The following JCAD variants were observed in gnomAD, a reference collection of about 807,000 sequenced individuals.
The protein encoded by JCAD is junctional cadherin 5-associated protein.
In JCAD, 40 loss-of-function variants were observed where a neutral mutation model predicts 98.0. The observed-to-expected ratio is 0.41, with a 90% CI of 0.32 to 0.53. JCAD has a LOEUF of 0.53. Among genes scored for constraint, JCAD ranks in the 20% least tolerant of loss-of-function variants. The probability of loss-of-function intolerance (pLI) is 0.31; values close to 1 mark genes in which losing one functional copy is unlikely to be tolerated. For missense variants in JCAD, 1,705 were observed against 1,738.1 expected, an observed-to-expected ratio of 0.98 and a Z score of 0.34; for synonymous variants, 691 against 682.3, an observed-to-expected ratio of 1.01 and a Z score of -0.20.
At chr10:30,100,266 T>G (rs1436944638) in intron 1 of JCAD, among the ~76,000 whole-genome samples, 1 of 152,236 alleles carries the variant, frequency 6.6e-6, no homozygotes, top group Non-Finnish European at 1.5e-5. Flanking sequence ...GTTGATATTC[T>G]TGGTGGAAAT....
chr10:30,091,309 A>G (rs1206345400), intron 1 of JCAD, among the ~76,000 whole-genome samples: 3 of 152,234 alleles, frequency 2.0e-5, no homozygotes, highest in Middle Eastern at 6.3e-3. Flanking sequence ...GGTTATAACA[A>G]CACATGCAAA....
In JCAD at chr10:30,032,351, T is replaced by C. The variant is rs117268363; in HGVS notation, c.282-2485A>G. ...TATTTCAAAATCTCCCAAATGACTC[T>C]AGCATGCGGGGAGAGTTCAGAATCA... is the stretch of plus-strand genomic sequence containing the variant. On this transcript the variant is annotated intron_variant, in intron 2 of 3. Coordinates refer to ENST00000375377, the MANE Select transcript of JCAD (RefSeq NM_020848.4). 2.1e-3 allele frequency among the ~76,000 whole-genome samples: 323 copies of C among 152,294 alleles called. 1 individual carries two copies. Among genetic ancestry groups the C allele is most frequent in the Non-Finnish European group, 4.0e-3 (269 of 68,028 alleles).
upstream of JCAD, among the ~76,000 whole-genome samples, chr10:30,064,260 G>A (rs1209625358): frequency 6.6e-6 from 1 of 152,100 alleles, no homozygotes; most frequent in East Asian, 1.9e-4. Context: ...AGAGACATGA[G>A]CTAGCATGTG....
chr10:30,037,575 C>CA (rs1229210233), intron 2 of JCAD, among the ~76,000 whole-genome samples: 3 of 152,104 alleles, frequency 2.0e-5, no homozygotes, highest in African/African-American at 7.2e-5. Context: ...CTCTAGATGA[C>CA]AGGCAGTGCA....
chr10:30,073,891 C>G (rs936496158), intron 1 of JCAD, among the ~76,000 whole-genome samples: 1 of 152,126 alleles, frequency 6.6e-6, no homozygotes, highest in Non-Finnish European at 1.5e-5. Flanking sequence ...AGAGCTACTT[C>G]CATTCTGCCA....
At position 30,029,695 on chromosome 10, in the gene JCAD, C is replaced by T. The variant is rs2132619767; in HGVS notation, c.453G>A (p.Glu151=). ...ACCTTCCTCCAACTTCCCATGGACC[C>T]TCCCTCACGTGGACAGGCAGGCTGT... The part of the protein sequence containing the change: ...QAHSLPVHVR[E]GPWEVGGRSE... Residue 151 remains glutamate, a synonymous_variant, in exon 3 of 4, where the codon GAG becomes GAA. Transcript: ENST00000375377. The T allele has an allele frequency of 6.2e-7, 1 of 1,614,242 alleles. No homozygotes were observed. Among genetic ancestry groups the T allele is most frequent in the African/African-American group, 1.3e-5 (1 of 75,058 alleles).
At chr10:30,092,171 A>G (rs1336525763) in intron 1 of JCAD, among the ~76,000 whole-genome samples, 4 of 135,418 alleles carry the variant, frequency 3.0e-5, no homozygotes, top group Admixed American at 2.4e-4. Context: ...AAGTTTATCT[A>G]CTTTAGGTCT....
intron 2 of JCAD, among the ~76,000 whole-genome samples, chr10:30,036,855 C>T (rs1403506062): frequency 6.6e-6 from 1 of 152,266 alleles, no homozygotes; most frequent in African/African-American, 2.4e-5. Context: ...CTTCCTGGTT[C>T]CCAGATCTGC....
At chr10:30,054,794 G>A (rs1015378997) in intron 1 of JCAD, among the ~76,000 whole-genome samples, 1 of 151,104 alleles carries the variant, frequency 6.6e-6, no homozygotes, top group African/African-American at 2.4e-5. Flanking sequence ...CTCAGCCTCC[G>A]GAGTAGCTGG....
chr10:30,047,918 G>A, intron 1 of JCAD, 47 bp from the exon 2 acceptor site: 1 of 1,273,944 alleles, frequency 7.8e-7, no homozygotes, highest in South Asian at 1.5e-5. Context: ...CTCCCTAGAG[G>A]TCAGTCTGAC....
At chr10:30,101,302 G>T (rs376037208) in intron 1 of JCAD, among the ~76,000 whole-genome samples, 4 of 152,150 alleles carry the variant, frequency 2.6e-5, no homozygotes, top group East Asian at 3.9e-4. Flanking sequence ...CCAGCTACTC[G>T]GGAGGCTGAA....
intron 1 of JCAD, among the ~76,000 whole-genome samples, chr10:30,108,903 G>C (rs1416577135): frequency 6.6e-6 from 1 of 151,526 alleles, no homozygotes; most frequent in African/African-American, 2.4e-5. Flanking sequence ...GCAAGTTTTT[G>C]TAAGTATGTT....
At chr10:30,066,717 C>T (rs917076937) in intron 2 of JCAD, among the ~76,000 whole-genome samples, 3 of 151,520 alleles carry the variant, frequency 2.0e-5, no homozygotes, top group African/African-American at 7.3e-5. Flanking sequence ...TTTTTTAACC[C>T]CATATGACTT....
intron 1 of JCAD, among the ~76,000 whole-genome samples, chr10:30,101,522 A>G (rs1399778670): frequency 6.6e-6 from 1 of 152,004 alleles, no homozygotes; most frequent in Non-Finnish European, 1.5e-5. Context: ...TAACTTATTT[A>G]TTTATTTTAT....
At chr10:30,064,836 T>C (rs1487767252) in intron 2 of JCAD, among the ~76,000 whole-genome samples, 1 of 152,186 alleles carries the variant, frequency 6.6e-6, no homozygotes, top group Non-Finnish European at 1.5e-5. Context: ...CACGCCTGGT[T>C]AATTTTTGTA....
chr10:30,109,558 C>G (rs1838650714), intron 1 of JCAD, among the ~76,000 whole-genome samples: 1 of 152,124 alleles, frequency 6.6e-6, no homozygotes, highest in African/African-American at 2.4e-5. Flanking sequence ...CCCTGTCACT[C>G]TGCTCTCCTT....
At chr10:30,102,745 A>G (rs1357850182) in intron 1 of JCAD, among the ~76,000 whole-genome samples, 1 of 152,240 alleles carries the variant, frequency 6.6e-6, no homozygotes, top group African/African-American at 2.4e-5. Flanking sequence ...CTGCTAATAA[A>G]CACATACCCA....
chr10:30,016,779 T>A lies in JCAD; in HGVS notation c.*1104A>T, dbSNP rs1836544364. The A allele has an allele frequency of 6.6e-6, 1 of 152,218 alleles. No homozygotes were observed. The highest frequency in any genetic ancestry group is 1.5e-5 in the Non-Finnish European group (1 of 68,046). 9.4% of individuals were successfully genotyped at this position (152,218 alleles called of 1,614,324 possible). On this transcript the variant is annotated 3_prime_UTR_variant, in exon 4 of 4. Transcript: ENST00000375377. ...ACGGCAGCAAAAATTGTCATGACAA[T>A]GTTGGCTGGTTTTCAGAGGGTTATT...
intron 1 of JCAD, among the ~76,000 whole-genome samples, chr10:30,092,113 T>TATATATAA (rs1838291510): frequency 9.1e-6 from 1 of 110,148 alleles, no homozygotes; most frequent in Non-Finnish European, 1.7e-5. Context: ...TATATATATA[T>TATATATAA]ATATATATAT....
Sources: allele counts gnomAD v4.1 joint callset (sites outside exome capture counted in the v4.1 genomes callset), GRCh38; gene constraint gnomAD v4.1.1; transcripts MANE v1.5; gene names NCBI Gene and HGNC (gene_info 2026-07-23, HGNC 2026-07-21).